CORIN: variants seen among roughly 807,000 people sequenced by gnomAD.
CORIN encodes the protein corin, serine peptidase, also known as atrial natriuretic peptide-converting enzyme.
Under a neutral mutation model 125.3 loss-of-function variants are expected in CORIN, and 117 were observed. The ratio of observed to expected loss-of-function variants is 0.93; its 90% CI spans 0.80 to 1.09. The LOEUF is 1.09. Ranked by LOEUF, CORIN falls within the 50% of genes least tolerant of loss-of-function variation. The probability of loss-of-function intolerance (pLI) is 0.00; values close to 1 mark genes in which losing one functional copy is unlikely to be tolerated. For missense variants in CORIN, 1,253 were observed against 1,306.7 expected, an observed-to-expected ratio of 0.96 and a Z score of 0.63; for synonymous variants, 450 against 466.4, an observed-to-expected ratio of 0.96 and a Z score of 0.45.
At chr4:47,669,128 ATG>A (rs1724620441) in intron 10 of CORIN, among the ~76,000 whole-genome samples, 1 of 152,148 alleles carries the variant, frequency 6.6e-6, no homozygotes, top group Non-Finnish European at 1.5e-5. Context: ...CCGAACACAG[ATG>A]AGGTTTAATA....
chr4:47,829,157 C>CAAAAAAA (rs35771383), intron 1 of CORIN, among the ~76,000 whole-genome samples: 2 of 64,270 alleles, frequency 3.1e-5, no homozygotes, highest in African/African-American at 7.2e-5. Context: ...GACTCCGTCT[C>CAAAAAAA]AAAAAAAAAA....
chr4:47,707,727 C>T (rs1174188092), intron 5 of CORIN, among the ~76,000 whole-genome samples: 1 of 152,106 alleles, frequency 6.6e-6, no homozygotes, highest in Non-Finnish European at 1.5e-5. Context: ...AGGGTGGCAT[C>T]TAAAGAATGG....
intron 5 of CORIN, among the ~76,000 whole-genome samples, chr4:47,742,878 T>A (rs75151615): frequency 1.1e-4 from 17 of 152,204 alleles, no homozygotes; most frequent in Non-Finnish European, 2.4e-4. Flanking sequence ...CCAGATAGTG[T>A]GGTATTGTCT....
chr4:47,711,863 A>T (rs1726857523), intron 5 of CORIN, among the ~76,000 whole-genome samples: 1 of 152,232 alleles, frequency 6.6e-6, no homozygotes, highest in Admixed American at 6.5e-5. Flanking sequence ...GAACTCTGAA[A>T]GCACTTTCCC....
intron 8 of CORIN, 89 bp from the exon 9 acceptor site, chr4:47,678,143 A>G (rs1725113124): frequency 2.3e-6 from 2 of 887,816 alleles, no homozygotes; most frequent in South Asian, 1.4e-5. Flanking sequence ...TTTATCAAGC[A>G]TCGCTAAGAA....
At chr4:47,661,557 G>A in intron 12 of CORIN, 154 bp downstream of exon 12, 2 of 604,270 alleles carry the variant, frequency 3.3e-6, no homozygotes, top group Admixed American at 3.3e-5. Context: ...ATTCTTCAAT[G>A]CAATCAAGTT....
At chr4:47,706,271 T>G (rs570720338) in intron 5 of CORIN, 8 of 754,062 alleles carry the variant, frequency 1.1e-5, no homozygotes, top group African/African-American at 7.0e-5. Context: ...CTTCCGAAAT[T>G]TGTTGGTATC....
intron 4 of CORIN, among the ~76,000 whole-genome samples, chr4:47,761,637 G>A (rs1425712045): frequency 6.6e-6 from 1 of 152,142 alleles, no homozygotes; most frequent in Non-Finnish European, 1.5e-5. Flanking sequence ...AATACCACAG[G>A]ATCTCATTCA....
chr4:47,721,486 C>G (rs1195960571), intron 5 of CORIN, among the ~76,000 whole-genome samples: 1 of 152,174 alleles, frequency 6.6e-6, no homozygotes, highest in Non-Finnish European at 1.5e-5. Flanking sequence ...CCAGGCTGGT[C>G]TCGAACTCCT....
chr4:47,669,820 C>T (rs1451611467), intron 10 of CORIN, among the ~76,000 whole-genome samples: 3 of 152,118 alleles, frequency 2.0e-5, no homozygotes, highest in East Asian at 1.9e-4. Context: ...CTGCCCGCCT[C>T]GGCCTCCCAA....
At chr4:47,664,955 C>T in intron 11 of CORIN, 77 bp downstream of exon 11, 1 of 917,320 alleles carries the variant, frequency 1.1e-6, no homozygotes, top group Non-Finnish European at 1.7e-6. Flanking sequence ...TTTACGTTGT[C>T]CAAACTCAAC....
chr4:47,765,307 T>C (rs1577903542), intron 3 of CORIN, among the ~76,000 whole-genome samples: 2 of 134,648 alleles, frequency 1.5e-5, no homozygotes, highest in African/African-American at 5.6e-5. Context: ...CGAGACTCCG[T>C]CCCCCAAAAA....
At chr4:47,653,881 A>T (rs3805391) in intron 12 of CORIN, among the ~76,000 whole-genome samples, 1 of 152,196 alleles carries the variant, frequency 6.6e-6, no homozygotes, top group African/African-American at 2.4e-5. Context: ...TTTAACATCT[A>T]TGTATTCCAA....
intron 4 of CORIN, among the ~76,000 whole-genome samples, chr4:47,759,262 T>C (rs148371257): frequency 6.6e-6 from 1 of 152,264 alleles, no homozygotes; most frequent in African/African-American, 2.4e-5. Flanking sequence ...GGGCCCAAAC[T>C]ATGAAACTAC....
intron 5 of CORIN, among the ~76,000 whole-genome samples, chr4:47,697,420 A>G (rs1274187217): frequency 6.6e-6 from 1 of 152,136 alleles, no homozygotes; most frequent in African/African-American, 2.4e-5. Flanking sequence ...TCTGAGTACA[A>G]AAGGAGTGAG....
At chr4:47,832,646 C>A (rs1733109165) in intron 1 of CORIN, among the ~76,000 whole-genome samples, 1 of 151,864 alleles carries the variant, frequency 6.6e-6, no homozygotes, top group African/African-American at 2.4e-5. Context: ...GGTGTTTTGC[C>A]ATGTTGGCCA....
Position 47,645,152 on chromosome 4 carries a change from T to C in CORIN, c.1886A>G (p.Gln629Arg), listed in dbSNP as rs1363292111. The change falls in exon 14 of 22, where the codon CAA becomes CGA. Residue 629 changes from glutamine (Q) to arginine (R), a missense_variant. Gln to Arg is a conservative substitution (Grantham distance 43, BLOSUM62 1). Coordinates refer to ENST00000273857, the MANE Select transcript of CORIN (RefSeq NM_006587.4). ...GCAGATCACTGTGTGCTTCAAACAT[T>C]GTTTATTGGATGGACATTCCCAAAG... ...RDLWECPSNK[Q>R]CLKHTVICDG... 5.0e-6 allele frequency: 8 copies of C among 1,612,512 alleles called. No individual in the cohort carries two copies. Among genetic ancestry groups the C allele is most frequent in the East Asian group, 4.5e-5 (2 of 44,834 alleles).
chr4:47,718,740 C>T (rs919346055), intron 5 of CORIN, among the ~76,000 whole-genome samples: 1 of 152,116 alleles, frequency 6.6e-6, no homozygotes, highest in Non-Finnish European at 1.5e-5. Flanking sequence ...AGGTTGCTGG[C>T]CTGTTTCCTA....
chr4:47,613,028 A>G (rs1721930001), intron 19 of CORIN, among the ~76,000 whole-genome samples: 1 of 152,252 alleles, frequency 6.6e-6, no homozygotes, highest in African/African-American at 2.4e-5. Flanking sequence ...TAATATGTCC[A>G]GAGATTCTTA....
Sources: gnomAD v4.1 joint callset for allele counts (sites outside exome capture counted in the v4.1 genomes callset) on GRCh38, gnomAD v4.1.1 for gene constraint, MANE v1.5 for transcripts, NCBI Gene and HGNC (gene_info 2026-07-23, HGNC 2026-07-21) for gene names.